ATL2: variants seen among roughly 807,000 people sequenced by gnomAD.
ATL2 encodes the protein atlastin-2.
A neutral mutation model predicts 73.9 loss-of-function variants in ATL2; 31 were observed. The observed-to-expected ratio is 0.42, with a 90% CI of 0.32 to 0.57. The LOEUF is 0.57. Ranked by LOEUF, ATL2 falls within the 20% of genes least tolerant of loss-of-function variation. The pLI is 0.14. For synonymous variants in ATL2, 291 were observed against 237.5 expected (o/e 1.23, Z -2.07); for missense variants, 738 against 702.6 (o/e 1.05, Z -0.57).
chr2:38,353,991 G>A (rs536565909), intron 1 of ATL2: 4 of 247,898 alleles, frequency 1.6e-5, no homozygotes, highest in South Asian at 3.4e-5. Flanking sequence ...TCAGGAGATC[G>A]AGACCATCCT....
chr2:38,333,233 G>A (rs1395438046), intron 2 of ATL2, among the ~76,000 whole-genome samples: 7 of 151,940 alleles, frequency 4.6e-5, no homozygotes. Context: ...AGGCTTCAGT[G>A]AGCTGTGATT....
At chr2:38,302,610 G>A (rs983924792) in intron 9 of ATL2, among the ~76,000 whole-genome samples, 1 of 152,216 alleles carries the variant, frequency 6.6e-6, no homozygotes, top group Admixed American at 6.5e-5. Flanking sequence ...AGGCAGCTCA[G>A]CACAGAGACA....
chr2:38,365,097 C>G (rs1212162658), intron 1 of ATL2, among the ~76,000 whole-genome samples: 1 of 149,568 alleles, frequency 6.7e-6, no homozygotes, highest in East Asian at 2.0e-4. Flanking sequence ...CATAAAAGAA[C>G]TCTGAAATTT....
chr2:38,296,458 T>G (rs921467451), intron 12 of ATL2: 2 of 1,582,742 alleles, frequency 1.3e-6, no homozygotes, highest in Non-Finnish European at 1.7e-6. Flanking sequence ...ACACTTCAGA[T>G]AGAGAAAAAG....
chr2:38,349,417 G>A (rs373112590), intron 1 of ATL2, among the ~76,000 whole-genome samples: 225 of 148,516 alleles, frequency 1.5e-3, no homozygotes, highest in Non-Finnish European at 2.1e-3. Context: ...GTAAACTATC[G>A]CAAGGACAAA....
upstream of ATL2, among the ~76,000 whole-genome samples, chr2:38,377,881 G>C (rs1200245861): frequency 6.7e-6 from 1 of 149,392 alleles, no homozygotes; most frequent in Non-Finnish European, 1.5e-5. Flanking sequence ...CCTAAGGTTT[G>C]TTTGCATTCG....
intron 2 of ATL2, among the ~76,000 whole-genome samples, chr2:38,337,758 G>A (rs1326715505): frequency 1.3e-5 from 2 of 151,638 alleles, no homozygotes; most frequent in Admixed American, 6.6e-5. Context: ...TAGTATATGG[G>A]CATTTATTAT....
At chr2:38,368,579 A>C (rs1048035207) in intron 1 of ATL2, among the ~76,000 whole-genome samples, 3 of 152,222 alleles carry the variant, frequency 2.0e-5, no homozygotes, top group African/African-American at 7.2e-5. Context: ...GCACTCCAAT[A>C]GCATGCCTAA....
chr2:38,329,406 G>T (rs1429877259), intron 2 of ATL2, among the ~76,000 whole-genome samples: 1 of 83,022 alleles, frequency 1.2e-5, no homozygotes, highest in Non-Finnish European at 2.2e-5. Context: ...CTAGGAGACA[G>T]AGCAAGACTC....
intron 1 of ATL2, among the ~76,000 whole-genome samples, chr2:38,352,183 A>C (rs1573553599): frequency 6.7e-6 from 1 of 148,286 alleles, no homozygotes; most frequent in African/African-American, 2.5e-5. Flanking sequence ...CAAGTGGGAA[A>C]AGGGCAGACT....
Position 38,343,295 on chromosome 2 carries a change from G to C in ATL2, c.336C>G (p.Asp112Glu). The change falls in exon 2 of 13, where the codon GAC (aspartate) becomes GAG (glutamate). Residue 112 changes from aspartate (D) to glutamate (E), a missense_variant. Coordinates refer to ENST00000378954, the MANE Select transcript of ATL2 (RefSeq NM_001135673.4). ...TGTTATACATGTATCTAAGCATGAA[G>C]TCCAGTAGAAATGACTTCCCTTTAC... ...AFRKGKSFLL[D>E]FMLRYMYNKD... 6.2e-7 allele frequency: 1 copy of C among 1,609,368 alleles called. No homozygotes were observed. The highest frequency in any genetic ancestry group is 8.5e-7 in the Non-Finnish European group (1 of 1,178,916).
chr2:38,362,240 G>C (rs1175364277), intron 1 of ATL2, among the ~76,000 whole-genome samples: 2 of 152,158 alleles, frequency 1.3e-5, no homozygotes, highest in Middle Eastern at 3.2e-3. Context: ...GATTAAACTA[G>C]ATGTTTAGGA....
At chr2:38,373,878 G>A (rs1245707520) in intron 1 of ATL2, among the ~76,000 whole-genome samples, 2 of 152,014 alleles carry the variant, frequency 1.3e-5, no homozygotes, top group African/African-American at 4.8e-5. Context: ...TTTCAGGTTG[G>A]TACTTTCTTC....
intron 9 of ATL2, among the ~76,000 whole-genome samples, chr2:38,302,809 C>T (rs1667257390): frequency 6.6e-6 from 1 of 152,166 alleles, no homozygotes; most frequent in African/African-American, 2.4e-5. Context: ...GATCACAACA[C>T]CCAAGTCCCT....
Position 38,300,255 on chromosome 2 carries a change from A to AC in ATL2, c.1128+16dup. On this transcript the variant is annotated intron_variant, in intron 10 of 12. Coordinates refer to ENST00000378954, the MANE Select transcript of ATL2 (RefSeq NM_001135673.4). Reference sequence around the variant, plus strand: ...AATAAGTATATGTACAACACATATCACTCTCTCTCTCTCTACCTGAAGCAT... The same window carrying AC: ...AATAAGTATATGTACAACACATATCACCTCTCTCTCTCTCTACCTGAAGCAT... The AC allele has an allele frequency of 1.3e-6, 2 of 1,512,204 alleles. No individual in the cohort carries two copies. The highest frequency in any genetic ancestry group is 9.1e-7 in the Non-Finnish European group (1 of 1,096,208). 93.7% of individuals were successfully genotyped at this position (1,512,204 alleles called of 1,614,324 possible). A position where few individuals can be genotyped will look rare whatever the true frequency, so the allele number is the denominator to read the frequency against.
At chr2:38,319,107 G>GGGAA in intron 2 of ATL2, 88 bp from the exon 3 acceptor site, 1 of 1,411,608 alleles carries the variant, frequency 7.1e-7, no homozygotes, top group South Asian at 1.3e-5. Context: ...TTTACAGATG[G>GGGAA]GGAAGCTAAA....
At chr2:38,352,265 T>A (rs992150883) in intron 1 of ATL2, among the ~76,000 whole-genome samples, 1 of 150,648 alleles carries the variant, frequency 6.6e-6, no homozygotes, top group African/African-American at 2.4e-5. Context: ...GGAGGGAGGA[T>A]ATTTGAGACT....
intron 4 of ATL2, among the ~76,000 whole-genome samples, chr2:38,317,649 T>C (rs891725984): frequency 1.3e-5 from 2 of 152,188 alleles, no homozygotes; most frequent in Non-Finnish European, 2.9e-5. Flanking sequence ...CCACTTGTCA[T>C]AGATACAGAA....
At chr2:38,358,755 C>T (rs1331496116) in intron 1 of ATL2, 3 of 157,524 alleles carry the variant, frequency 1.9e-5, no homozygotes, top group African/African-American at 4.8e-5. Context: ...AAACTATCAG[C>T]TAGTTTAGCT....
Sources: gnomAD v4.1 joint callset for allele counts (sites outside exome capture counted in the v4.1 genomes callset) on GRCh38, gnomAD v4.1.1 for gene constraint, MANE v1.5 for transcripts, NCBI Gene and HGNC (gene_info 2026-07-23, HGNC 2026-07-21) for gene names.